Variants in KRT6A observed in about 807,000 individuals in gnomAD.
KRT6A encodes the protein keratin 6A.
Under a neutral mutation model 48.6 loss-of-function variants are expected in KRT6A, and 28 were observed. That is an observed-to-expected ratio of 0.58 (90% confidence interval 0.43 to 0.79). KRT6A has a LOEUF of 0.79. KRT6A is among the 30% of genes least tolerant of loss of function. The pLI, the probability that KRT6A is intolerant of heterozygous loss-of-function variation, is 0.00. For synonymous variants in KRT6A, 301 were observed against 294.2 expected (o/e 1.02, Z -0.24); for missense variants, 687 against 724.3 (o/e 0.95, Z 0.59).
chr12:52,491,041 C>T (rs1187819111), intron 3 of KRT6A, 71 bp downstream of exon 3: 4 of 1,613,808 alleles, frequency 2.5e-6, no homozygotes, highest in Non-Finnish European at 3.4e-6. Flanking sequence ...TCTCCTCTCC[C>T]AGGGGAGCGA....
chr12:52,490,820 C>A (rs539049954), intron 4 of KRT6A, 38 bp downstream of exon 4: 11 of 1,614,028 alleles, frequency 6.8e-6, no homozygotes, highest in Non-Finnish European at 8.5e-6. Context: ...CTTTGCAGAC[C>A]CCATCAGAGT....
intron 6 of KRT6A, 36 bp from the exon 7 acceptor site, chr12:52,488,584 C>T (rs377101899): frequency 1.8e-5 from 29 of 1,611,166 alleles, no homozygotes; most frequent in African/African-American, 9.5e-5. Flanking sequence ...ACTTGTCATC[C>T]GGTCTTCCAG....
intron 6 of KRT6A, 145 bp from the exon 7 acceptor site, chr12:52,488,693 T>TA: frequency 8.5e-7 from 1 of 1,179,834 alleles, no homozygotes; most frequent in Non-Finnish European, 1.2e-6. Context: ...TGTTTTTTTT[T>TA]TTATTTTGCA....
At chr12:52,489,472 C>T (rs4761911) in intron 6 of KRT6A, among the ~76,000 whole-genome samples, 46,948 of 151,684 alleles carry the variant, frequency 0.31, 7,970 homozygotes, top group African/African-American at 0.45. Flanking sequence ...ATAGAGGCGG[C>T]GTTTCACCAT....
rs1053745 is a variant in KRT6A at position 52,487,708 on chromosome 12, A to G, written c.*12T>C. ...CCTGAGGACTGTGGGACCGAGAGCT[A>G]GCAGACGCACTTTAGTGCTTATAGC... On this transcript the variant is annotated 3_prime_UTR_variant, in exon 9 of 9. Transcript: ENST00000330722. 53 of 1,614,060 alleles carry G rather than the reference A, an allele frequency of 3.3e-5. 1 individual carries two copies. The East Asian group carries it at 1.1e-3, about 35-fold the overall frequency.
At position 52,491,650 on chromosome 12, in the gene KRT6A, G is replaced by C; in HGVS notation, c.627C>G (p.Asn209Lys). Reference protein sequence around the residue: ...QEQGTKTVRQNLEPLFEQYIN... With the variant: ...QEQGTKTVRQKLEPLFEQYIN... ...TGTACTGCTCGAACAACGGCTCCAG[G>C]TTCTGCCTCACAGTCTTGGTGCCCT... The change falls in exon 2 of 9, where the codon AAC becomes AAG. Residue 209 changes from asparagine to lysine, a missense_variant. Coordinates refer to ENST00000330722, the MANE Select transcript of KRT6A (RefSeq NM_005554.4). 5 of 1,614,214 alleles carry C rather than the reference G, an allele frequency of 3.1e-6. No individual in the cohort carries two copies. Among genetic ancestry groups the C allele is most frequent in the Non-Finnish European group, 4.2e-6 (5 of 1,180,044 alleles).
At chr12:52,490,419 T>C (rs1330623647) in intron 5 of KRT6A, 150 bp downstream of exon 5, 1 of 1,378,516 alleles carries the variant, frequency 7.3e-7, no homozygotes, top group Non-Finnish European at 1.0e-6. Context: ...GGGCATAAGT[T>C]CTGCAAATGT....
In KRT6A at chr12:52,489,772, T is replaced by G. The variant is rs1490745314; in HGVS notation, c.1203+171A>C. The G allele has an allele frequency of 6.5e-6, 7 of 1,079,736 alleles. No individual in the cohort carries two copies. The South Asian group carries it at 6.9e-5, about 11-fold the overall frequency. 66.9% of individuals were successfully genotyped at this position (1,079,736 alleles called of 1,614,324 possible). ...TCTCTCATGTGTTTGTGTCATGCCA[T>G]AGGTAGGATCTATGTCTCCTAAGCA... On this transcript the variant is annotated intron_variant, in intron 6 of 8. Coordinates refer to ENST00000330722, the MANE Select transcript of KRT6A (RefSeq NM_005554.4).
chr12:52,491,730 AC>A lies in KRT6A; in HGVS notation c.546del (p.Phe183SerfsTer24), dbSNP rs1233198842. ...AGAACCTTGTTCTGCTGCTCCAGGA[AC>A]CGCACCTGAAAGAGAGACAAGATGA... is the stretch of plus-strand genomic sequence containing the variant. ...NKFASFIDKV[R>X]FLEQQNKVLE... On this transcript the variant is annotated frameshift_variant, in exon 2 of 9. Transcript: ENST00000330722. LOFTEE classifies it high-confidence loss of function. 2 of 1,614,162 alleles carry A rather than the reference AC, an allele frequency of 1.2e-6. No individual in the cohort carries two copies. The highest frequency in any genetic ancestry group is 1.1e-5 in the South Asian group (1 of 91,088).
At chr12:52,490,527 A>G (rs757465161) in intron 5 of KRT6A, 42 bp downstream of exon 5, 7 of 1,614,036 alleles carry the variant, frequency 4.3e-6, no homozygotes, top group Non-Finnish European at 5.1e-6. Context: ...GTATTCAGGG[A>G]TGGCACAGGG....
chr12:52,490,317 C>G, intron 5 of KRT6A: 1 of 936,416 alleles, frequency 1.1e-6, no homozygotes. Context: ...TTCTAAAAGC[C>G]AGCAATCAGG....
intron 8 of KRT6A, 28 bp from the exon 9 acceptor site, chr12:52,487,983 A>G: frequency 1.9e-6 from 3 of 1,614,182 alleles, no homozygotes; most frequent in Non-Finnish European, 2.5e-6. Flanking sequence ...CAAGGACACA[A>G]GAAGCCATGG....
In KRT6A at chr12:52,490,096, A is replaced by G. The variant is rs761546469; in HGVS notation, c.1078-28T>C. The G allele has an allele frequency of 7.4e-6, 12 of 1,613,794 alleles. No individual in the cohort carries two copies. The East Asian group carries it at 2.7e-4, about 36-fold the overall frequency. Reference sequence around the variant, plus strand: ...GCAGCCCAGAGGTGGAGAGAGAGACAGTGTCTACGGGTTCTTACCTGGGAG... The same window carrying G: ...GCAGCCCAGAGGTGGAGAGAGAGACGGTGTCTACGGGTTCTTACCTGGGAG... On this transcript the variant is annotated intron_variant, in intron 5 of 8. Coordinates refer to ENST00000330722, the MANE Select transcript of KRT6A (RefSeq NM_005554.4).
In KRT6A at chr12:52,487,614, C is replaced by T. The variant is rs1053825; in HGVS notation, c.*106G>A. ...CATCCATACCCAGCTCTACCTGGGA[C>T]AGCAGGGGAGACTGGAGGCCAGGAG... is the stretch of plus-strand genomic sequence containing the variant. On this transcript the variant is annotated 3_prime_UTR_variant, in exon 9 of 9. Transcript: ENST00000330722. 1 of 1,406,958 alleles carries T rather than the reference C, an allele frequency of 7.1e-7. No individual in the cohort carries two copies. Among genetic ancestry groups the T allele is most frequent in the African/African-American group, 1.4e-5 (1 of 70,274 alleles). 87.2% of individuals were successfully genotyped at this position (1,406,958 alleles called of 1,614,324 possible).
Position 52,493,027 on chromosome 12 carries a change from A to C in KRT6A, c.162T>G (p.Ala54=). ...CATACAGACTGCGGCTGCCAAAGCC[A>C]GCTCCTCCACATGCACCACCCAGGC... is the stretch of plus-strand genomic sequence containing the variant. ...SGGLGGACGG[A]GFGSRSLYGL... is the part of the protein sequence containing the mutation. Residue 54 remains alanine, a synonymous_variant, in exon 1 of 9, where the codon GCT becomes GCG. Coordinates refer to ENST00000330722, the MANE Select transcript of KRT6A (RefSeq NM_005554.4). The C allele has an allele frequency of 6.2e-7, 1 of 1,612,028 alleles. No homozygotes were observed. The highest frequency in any genetic ancestry group is 8.5e-7 in the Non-Finnish European group (1 of 1,179,872).
In KRT6A at chr12:52,490,686, C is replaced by T. The variant is rs370500; in HGVS notation, c.960G>A (p.Leu320=). 4.7e-5 allele frequency: 76 copies of T among 1,614,184 alleles called. No individual in the cohort carries two copies. Among genetic ancestry groups the T allele is most frequent in the East Asian group, 4.5e-4 (20 of 44,884 alleles). Residue 320 remains leucine, a synonymous_variant, in exon 5 of 9, where the codon CTG becomes CTA. Coordinates refer to ENST00000330722, the MANE Select transcript of KRT6A (RefSeq NM_005554.4). ...QTHISDTSVV[L]SMDNNRNLDL... is the part of the protein sequence containing the mutation. ...CCAGGTTGCGGTTGTTGTCCATGGACAGCACCACAGATGTGTCTGAGATGT... is the reference window on the plus strand; with the variant it reads ...CCAGGTTGCGGTTGTTGTCCATGGATAGCACCACAGATGTGTCTGAGATGT...
chr12:52,489,269 AG>A (rs1175809765), intron 6 of KRT6A, among the ~76,000 whole-genome samples: 77 of 115,352 alleles, frequency 6.7e-4, no homozygotes, highest in Non-Finnish European at 1.4e-3. Flanking sequence ...ATACATTATG[AG>A]GGTTTTTTCT....
In KRT6A at chr12:52,490,564, C is replaced by A. The variant is rs765082787; in HGVS notation, c.1077+5G>T. 1.2e-5 allele frequency: 19 copies of A among 1,614,116 alleles called. No individual in the cohort carries two copies. Among genetic ancestry groups the A allele is most frequent in the East Asian group, 2.2e-5 (1 of 44,886 alleles). ...TTCCTCAGCGGCTGCCCACTCCCTG[C>A]TCACCTTGGTCTGGTACCAGGACTC... On this transcript the variant is annotated splice_donor_5th_base_variant and intron_variant, in intron 5 of 8. Coordinates refer to ENST00000330722, the MANE Select transcript of KRT6A (RefSeq NM_005554.4).
At chr12:52,491,075 T>A in intron 3 of KRT6A, 37 bp downstream of exon 3, 2 of 1,613,916 alleles carry the variant, frequency 1.2e-6, no homozygotes, top group Non-Finnish European at 1.7e-6. Context: ...CTTCTCTCCT[T>A]CTAAATGAAT....
Sources: gnomAD v4.1 joint callset for allele counts (sites outside exome capture counted in the v4.1 genomes callset) on GRCh38, gnomAD v4.1.1 for gene constraint, MANE v1.5 for transcripts, NCBI Gene and HGNC (gene_info 2026-07-23, HGNC 2026-07-21) for gene names.